Variants in CHN1 observed in about 807,000 individuals in gnomAD.
The protein encoded by CHN1 is chimerin 1.
CHN1 carries 37 observed loss-of-function variants against 59.5 expected under a neutral mutation model. The observed-to-expected ratio is 0.62, with a 90% CI of 0.48 to 0.82. CHN1 has a LOEUF of 0.82. CHN1 is among the 40% of genes least tolerant of loss of function. The pLI is 0.00. For synonymous variants in CHN1, 206 were observed against 200.4 expected (o/e 1.03, Z -0.24); for missense variants, 469 against 571.0 (o/e 0.82, Z 1.82).
intron 7 of CHN1, among the ~76,000 whole-genome samples, chr2:174,834,733 T>C (rs966406984): frequency 3.3e-5 from 5 of 152,232 alleles, no homozygotes; most frequent in Non-Finnish European, 1.5e-5. Context: ...TTCCTCAAAG[T>C]TGACATATCT....
intron 4 of CHN1, among the ~76,000 whole-genome samples, chr2:174,915,483 T>C (rs1453389574): frequency 6.7e-6 from 1 of 149,510 alleles, no homozygotes; most frequent in African/African-American, 2.5e-5. Flanking sequence ...TTCTTACGTA[T>C]CCATTTAACC....
At chr2:174,888,491 T>C (rs1233982830) in intron 5 of CHN1, among the ~76,000 whole-genome samples, 1 of 152,178 alleles carries the variant, frequency 6.6e-6, no homozygotes, top group African/African-American at 2.4e-5. Flanking sequence ...ATATGGGGTT[T>C]TGAGGGGAGA....
intron 1 of CHN1, among the ~76,000 whole-genome samples, chr2:174,966,093 T>A (rs1020419420): frequency 1.3e-5 from 2 of 152,192 alleles, no homozygotes; most frequent in African/African-American, 4.8e-5. Flanking sequence ...TCCTAGAAGA[T>A]GCTTCAAAAT....
intron 7 of CHN1, among the ~76,000 whole-genome samples, chr2:174,825,685 A>T (rs1049055084): frequency 6.6e-6 from 1 of 152,210 alleles, no homozygotes; most frequent in Non-Finnish European, 1.5e-5. Context: ...TGATTCCAAC[A>T]TATCTGCCAA....
At chr2:174,948,153 C>T (rs931487584) in intron 2 of CHN1, among the ~76,000 whole-genome samples, 1 of 152,178 alleles carries the variant, frequency 6.6e-6, no homozygotes. Context: ...AATTGGTCCA[C>T]ATGTGTTTTG....
At chr2:174,812,875 T>C (rs1320569111) in intron 8 of CHN1, among the ~76,000 whole-genome samples, 2 of 152,234 alleles carry the variant, frequency 1.3e-5, no homozygotes, top group Non-Finnish European at 2.9e-5. Context: ...ATATTTGATA[T>C]AAAGCGGAAT....
chr2:174,841,852 T>C (rs774408619), intron 7 of CHN1, among the ~76,000 whole-genome samples: 7 of 152,160 alleles, frequency 4.6e-5, no homozygotes, highest in Non-Finnish European at 1.0e-4. Context: ...TCATTTCCCT[T>C]TTGTAATATT....
intron 7 of CHN1, among the ~76,000 whole-genome samples, 171 bp downstream of exon 7, chr2:174,846,709 C>G (rs1195109299): frequency 6.6e-6 from 1 of 152,176 alleles, no homozygotes; most frequent in Non-Finnish European, 1.5e-5. Context: ...TTCTATTAGC[C>G]TTATTCAGCT....
chr2:174,826,129 G>C (rs1356987619), intron 7 of CHN1, among the ~76,000 whole-genome samples: 1 of 152,170 alleles, frequency 6.6e-6, no homozygotes, highest in Non-Finnish European at 1.5e-5. Context: ...TTTTGAAAAG[G>C]AGGCCATAAT....
At chr2:174,809,527 G>C (rs1338971540) in intron 10 of CHN1, among the ~76,000 whole-genome samples, 1 of 152,130 alleles carries the variant, frequency 6.6e-6, no homozygotes, top group Non-Finnish European at 1.5e-5. Context: ...AACAAGCTAG[G>C]GGCCTAAAAG....
At chr2:174,956,089 G>C (rs1054225098) in intron 1 of CHN1, among the ~76,000 whole-genome samples, 2 of 152,012 alleles carry the variant, frequency 1.3e-5, no homozygotes, top group African/African-American at 4.8e-5. Flanking sequence ...AGGAAATCTT[G>C]GAAGAAGAAG....
At chr2:174,946,322 C>A (rs1298125240) in intron 2 of CHN1, among the ~76,000 whole-genome samples, 1 of 152,054 alleles carries the variant, frequency 6.6e-6, no homozygotes, top group Admixed American at 6.6e-5. Context: ...TACTTGATTA[C>A]TAGGATGCAT....
intron 7 of CHN1, among the ~76,000 whole-genome samples, chr2:174,841,267 A>G (rs886772435): frequency 6.6e-6 from 1 of 152,182 alleles, no homozygotes; most frequent in Non-Finnish European, 1.5e-5. Context: ...ATGACAAACC[A>G]TAAGGCCAGG....
intron 5 of CHN1, among the ~76,000 whole-genome samples, chr2:174,904,266 A>G (rs1341029954): frequency 6.6e-6 from 1 of 152,086 alleles, no homozygotes; most frequent in Non-Finnish European, 1.5e-5. Context: ...GTCTCAAAAA[A>G]TAAATAAATA....
intron 8 of CHN1, among the ~76,000 whole-genome samples, chr2:174,823,794 T>A (rs1156649887): frequency 6.6e-6 from 1 of 152,262 alleles, no homozygotes; most frequent in Non-Finnish European, 1.5e-5. Context: ...TACATCCTTG[T>A]GTTGGCTATT....
chr2:174,919,171 CA>C (rs1688932700), intron 3 of CHN1, among the ~76,000 whole-genome samples: 1 of 152,178 alleles, frequency 6.6e-6, no homozygotes, highest in Non-Finnish European at 1.5e-5. Flanking sequence ...TGCAGGGACA[CA>C]TTACTGTATA....
chr2:174,975,547 G>A (rs1265797468), intron 1 of CHN1, among the ~76,000 whole-genome samples: 1 of 150,756 alleles, frequency 6.6e-6, no homozygotes, highest in Non-Finnish European at 1.5e-5. Flanking sequence ...TCACACCCAA[G>A]AAATTAACCC....
chr2:174,880,599 G>A (rs1687702368), intron 5 of CHN1, among the ~76,000 whole-genome samples: 1 of 152,174 alleles, frequency 6.6e-6, no homozygotes, highest in African/African-American at 2.4e-5. Flanking sequence ...TTCACTGCTT[G>A]CAGACTGTCA....
intron 3 of CHN1, among the ~76,000 whole-genome samples, chr2:174,924,096 T>C (rs1689096738): frequency 6.6e-6 from 1 of 152,178 alleles, no homozygotes; most frequent in African/African-American, 2.4e-5. Context: ...TGAAGGCAAT[T>C]TAGAAACATC....
Sources: allele counts gnomAD v4.1 joint callset (sites outside exome capture counted in the v4.1 genomes callset), GRCh38; gene constraint gnomAD v4.1.1; transcripts MANE v1.5; gene names NCBI Gene and HGNC (gene_info 2026-07-23, HGNC 2026-07-21).